CCDC40: variants seen among roughly 807,000 people sequenced by gnomAD.
The protein encoded by CCDC40 is coiled-coil domain 40 molecular ruler complex subunit, also known as coiled-coil domain-containing protein 40.
In CCDC40, 104 loss-of-function variants were observed where a neutral mutation model predicts 124.5. The ratio of observed to expected loss-of-function variants is 0.84; its 90% CI spans 0.71 to 0.98. The LOEUF (loss-of-function observed/expected upper bound fraction) is 0.98. Among genes scored for constraint, CCDC40 ranks in the 50% least tolerant of loss-of-function variants. CCDC40 has a pLI of 0.00. For synonymous variants in CCDC40, 580 were observed against 602.9 expected, an observed-to-expected ratio of 0.96 and a Z score of 0.56; for missense variants, 1,463 against 1,503.9, an observed-to-expected ratio of 0.97 and a Z score of 0.45.
intron 7 of CCDC40, among the ~76,000 whole-genome samples, chr17:80,054,985 AAT>A (rs1220408029): frequency 6.6e-6 from 1 of 152,036 alleles, no homozygotes; most frequent in Non-Finnish European, 1.5e-5. Context: ...AAAAAAAAAA[AAT>A]AAATAAATCA....
chr17:80,058,378 C>A lies in CCDC40; in HGVS notation c.1160-116C>A. 1 of 877,952 alleles carries A rather than the reference C, an allele frequency of 1.1e-6. No individual in the cohort carries two copies. 54.4% of individuals were successfully genotyped at this position (877,952 alleles called of 1,614,324 possible). A position where few individuals can be genotyped will look rare whatever the true frequency, so the allele number is the denominator to read the frequency against. On this transcript the variant is annotated intron_variant, in intron 7 of 19. Coordinates refer to ENST00000397545, the MANE Select transcript of CCDC40 (RefSeq NM_017950.4). The surrounding 1 kb of genome is among the most constrained non-coding windows in gnomAD (Gnocchi z 4.2). ...GTTTCCCAGTCTTACCCAAAAATGG[C>A]AGGAAGGGTGCCCAGAACGGCTGTT...
At chr17:80,043,876 C>CT (rs2143591440) in intron 3 of CCDC40, among the ~76,000 whole-genome samples, 2 of 152,200 alleles carry the variant, frequency 1.3e-5, no homozygotes, top group South Asian at 4.1e-4. Flanking sequence ...CCCCATGATC[C>CT]TTACTGTATT....
At chr17:80,043,949 C>G (rs140339548) in intron 3 of CCDC40, among the ~76,000 whole-genome samples, 1 of 152,186 alleles carries the variant, frequency 6.6e-6, no homozygotes, top group Non-Finnish European at 1.5e-5. Context: ...TTGGCTGCCC[C>G]CTACTCCCAG....
intron 3 of CCDC40, among the ~76,000 whole-genome samples, chr17:80,041,946 A>C (rs2037293519): frequency 6.6e-6 from 1 of 152,128 alleles, no homozygotes; most frequent in African/African-American, 2.4e-5. Context: ...CTTTATACTT[A>C]ATGAAGATTT....
At chr17:80,043,570 C>T (rs927290593) in intron 3 of CCDC40, among the ~76,000 whole-genome samples, 12 of 151,750 alleles carry the variant, frequency 7.9e-5, no homozygotes, top group Admixed American at 3.3e-4. Context: ...TCCATCTCAC[C>T]TCCATAAGGA....
intron 9 of CCDC40, 143 bp from the exon 10 acceptor site, chr17:80,065,342 C>T: frequency 8.8e-7 from 1 of 1,134,468 alleles, no homozygotes. Context: ...CGTGTTTACC[C>T]CTCTGCAGAT....
In CCDC40 at chr17:80,040,166, G is replaced by T; in HGVS notation, c.448G>T (p.Glu150Ter). The stretch of plus-strand genomic sequence containing the variant: ...CCAGCAAGAGGCCACCGGTCCACCA[G>T]AATCCAGAGAAAGGAGGGTCACCTC... ...GFQQEATGPP[E>*]SRERRVTSPE... is the part of the protein sequence containing the mutation. Residue 150 changes from glutamate (E) to a stop codon, truncating the protein, a stop_gained, in exon 3 of 20, where the codon GAA (glutamate) becomes TAA (stop). Transcript: ENST00000397545. LOFTEE classifies it high-confidence loss of function. The T allele has an allele frequency of 6.2e-7, 1 of 1,614,002 alleles. No homozygotes were observed. Among genetic ancestry groups the T allele is most frequent in the Non-Finnish European group, 8.5e-7 (1 of 1,179,882 alleles).
rs764239286 is a variant in CCDC40 at position 80,087,800 on chromosome 17, C to T, written c.2619+24C>T. On this transcript the variant is annotated intron_variant, in intron 15 of 19. Coordinates refer to ENST00000397545, the MANE Select transcript of CCDC40 (RefSeq NM_017950.4). The surrounding 1 kb of genome is among the most constrained non-coding windows in gnomAD (Gnocchi z 4.5). ...AGGTCCGGCCGTGTCCACGCAGTCC[C>T]GGGGCTCAGGACGATGGAGGGCGGG... 2.9e-5 allele frequency: 46 copies of T among 1,611,532 alleles called. No individual in the cohort carries two copies. The highest frequency in any genetic ancestry group is 8.8e-5 in the South Asian group (8 of 91,012).
chr17:80,089,235 G>A (rs1247523666), intron 16 of CCDC40, among the ~76,000 whole-genome samples: 1 of 152,206 alleles, frequency 6.6e-6, no homozygotes, highest in Non-Finnish European at 1.5e-5. Flanking sequence ...ATATCTCCCT[G>A]TGGAAAGGGT....
chr17:80,057,768 C>T (rs186858529), intron 7 of CCDC40, among the ~76,000 whole-genome samples: 2,253 of 151,572 alleles, frequency 0.015, 57 homozygotes, highest in African/African-American at 0.052. Context: ...CCCAGCTACT[C>T]GGGAGGCTGA....
In CCDC40 at chr17:80,086,806, G is replaced by C. The variant is rs578201535; in HGVS notation, c.2449+590G>C. The stretch of plus-strand genomic sequence containing the variant: ...TCAGGCCTGCAGCAGAGCCCCCATG[G>C]GAAATGCTGCCCAGACACATCATGT... On this transcript the variant is annotated intron_variant, in intron 14 of 19. Coordinates refer to ENST00000397545, the MANE Select transcript of CCDC40 (RefSeq NM_017950.4). This position sits in a 1 kb window ranked among gnomAD's most constrained non-coding sequence, Gnocchi z 5.5. The C allele has an allele frequency of 1.8e-5, 3 of 164,326 alleles. No homozygotes were observed. Among genetic ancestry groups the C allele is most frequent in the African/African-American group, 7.2e-5 (3 of 41,642 alleles). 10.2% of individuals were successfully genotyped at this position (164,326 alleles called of 1,614,324 possible). A position where few individuals can be genotyped will look rare whatever the true frequency, so the allele number is the denominator to read the frequency against.
intron 10 of CCDC40, among the ~76,000 whole-genome samples, chr17:80,073,676 G>A (rs1163412900): frequency 8.5e-6 from 1 of 117,546 alleles, no homozygotes; most frequent in Non-Finnish European, 1.8e-5. Flanking sequence ...GTGAAAGGAA[G>A]AGTCTCATGC....
In CCDC40 at chr17:80,065,569, C is replaced by T. The variant is rs749901313; in HGVS notation, c.1525C>T (p.Arg509Cys). Residue 509 changes from arginine (R) to cysteine (C), a missense_variant, in exon 10 of 20, where the codon CGC (arginine) becomes TGC (cysteine). Transcript: ENST00000397545. ...WASSLVGMKH[R>C]DEAHRAVLEA... ...CAGCAGCCTGGTGGGCATGAAGCAC[C>T]GCGACGAGGCGCACAGGGCGGTGCT... The T allele has an allele frequency of 1.1e-5, 18 of 1,612,726 alleles. No individual in the cohort carries two copies. The highest frequency in any genetic ancestry group is 1.3e-5 in the Non-Finnish European group (15 of 1,179,900).
intron 18 of CCDC40, 46 bp from the exon 19 acceptor site, chr17:80,097,199 A>T (rs373091241): frequency 6.2e-7 from 1 of 1,609,220 alleles, no homozygotes; most frequent in African/African-American, 1.3e-5. Context: ...CTGTCCGCCA[A>T]GTAGCCGGGC....
At chr17:80,067,200 G>A (rs144820872) in intron 10 of CCDC40, 2,798 of 279,178 alleles carry the variant, frequency 0.01, 19 homozygotes, top group Middle Eastern at 0.033. Context: ...GCTCTCCCCT[G>A]CATCCCAGAC....
chr17:80,070,306 C>A (rs557076966), intron 10 of CCDC40, among the ~76,000 whole-genome samples: 7 of 152,342 alleles, frequency 4.6e-5, no homozygotes, highest in Admixed American at 1.3e-4. Flanking sequence ...TAAAAATGTG[C>A]CCCCATGGGC....
chr17:80,043,625 T>G (rs2037340623), intron 3 of CCDC40, among the ~76,000 whole-genome samples: 1 of 135,568 alleles, frequency 7.4e-6, no homozygotes, highest in South Asian at 2.2e-4. Flanking sequence ...TTTTTTTTTT[T>G]GAAACAGAGT....
At position 80,040,214 on chromosome 17, in the gene CCDC40, T is replaced by A; in HGVS notation, c.496T>A (p.Leu166Ile). 1.2e-6 allele frequency: 2 copies of A among 1,614,020 alleles called. No homozygotes were observed. The highest frequency in any genetic ancestry group is 1.7e-6 in the Non-Finnish European group (2 of 1,179,962). ...CTCCCCAGAGCCATCCCACGGAGTC[T>A]TAGGCCCGTCGGAGCAAATGGGCCA... ...VTSPEPSHGV[L>I]GPSEQMGQVT... is the part of the protein sequence containing the mutation. The change falls in exon 3 of 20, where the codon TTA becomes ATA. Residue 166 changes from leucine (L) to isoleucine (I), a missense_variant. Coordinates refer to ENST00000397545, the MANE Select transcript of CCDC40 (RefSeq NM_017950.4).
At chr17:80,060,322 G>A (rs771191127) in intron 9 of CCDC40, among the ~76,000 whole-genome samples, 3 of 151,696 alleles carry the variant, frequency 2.0e-5, no homozygotes, top group Non-Finnish European at 2.9e-5. Flanking sequence ...GCAAGAGGAT[G>A]GCTTGAGCCC....
Sources: gnomAD v4.1 joint callset for allele counts (sites outside exome capture counted in the v4.1 genomes callset) on GRCh38, gnomAD v4.1.1 for gene constraint, Gnocchi (gnomAD v3.1) non-coding constraint, MANE v1.5 for transcripts, NCBI Gene and HGNC (gene_info 2026-07-23, HGNC 2026-07-21) for gene names.